The following AHRR variants were observed in gnomAD, a reference collection of about 807,000 sequenced individuals.
AHRR encodes the protein aryl hydrocarbon receptor repressor.
A neutral mutation model predicts 44.0 loss-of-function variants in AHRR; 28 were observed. That is an observed-to-expected ratio of 0.64 (90% CI 0.47 to 0.87). The LOEUF is 0.87. Among genes scored for constraint, AHRR ranks in the 40% least tolerant of loss-of-function variants. The pLI is 0.00. For missense variants in AHRR, 990 were observed against 953.9 expected, an observed-to-expected ratio of 1.04 and a Z score of -0.50; for synonymous variants, 434 against 407.0, an observed-to-expected ratio of 1.07 and a Z score of -0.80.
chr5:323,685 G>A (rs1011909640), intron 1 of AHRR, among the ~76,000 whole-genome samples: 14 of 152,186 alleles, frequency 9.2e-5, no homozygotes, highest in Non-Finnish European at 1.3e-4. Context: ...GAGACGCCGG[G>A]GGAGGGGGAG....
intron 1 of AHRR, among the ~76,000 whole-genome samples, chr5:339,195 G>C (rs1742243758): frequency 6.6e-6 from 1 of 152,184 alleles, no homozygotes; most frequent in East Asian, 1.9e-4. Context: ...TGTCACCGCA[G>C]CCTCAATGTC....
intron 4 of AHRR, among the ~76,000 whole-genome samples, chr5:400,073 C>A (rs948532812): frequency 6.6e-6 from 1 of 152,116 alleles, no homozygotes; most frequent in Non-Finnish European, 1.5e-5. Flanking sequence ...GACTAGCCGC[C>A]GTGTTGTGGC....
At chr5:401,476 G>T (rs754292859) in intron 4 of AHRR, among the ~76,000 whole-genome samples, 1 of 152,208 alleles carries the variant, frequency 6.6e-6, no homozygotes, top group African/African-American at 2.4e-5. Context: ...CTCCATTGGC[G>T]CCAGCCCAGG....
intron 5 of AHRR, among the ~76,000 whole-genome samples, chr5:414,194 T>C (rs1055861107): frequency 4.6e-5 from 7 of 151,178 alleles, no homozygotes; most frequent in African/African-American, 1.2e-4. Context: ...ACCTGGGAGG[T>C]GTAGGTTGCA....
At chr5:343,737 G>A (rs1742451692) in intron 1 of AHRR, 156 bp from the exon 2 acceptor site, 1 of 688,906 alleles carries the variant, frequency 1.5e-6, no homozygotes, top group Middle Eastern at 4.1e-4. Context: ...CAGGGGTCCC[G>A]GGCCAGGGGG....
At chr5:422,316 T>G (rs1034782166) in intron 5 of AHRR, 1 of 275,522 alleles carries the variant, frequency 3.6e-6, no homozygotes, top group South Asian at 3.4e-5. Context: ...TGAAAGTGGG[T>G]GAAGGTTGAG....
rs1270324483 is a variant in AHRR at position 419,676 on chromosome 5, G to A, written c.442-3053G>A. On this transcript the variant is annotated intron_variant, in intron 5 of 10. Transcript: ENST00000684583. This position sits in a 1 kb window ranked among gnomAD's most constrained non-coding sequence, Gnocchi z 4.4. ...AAAGCCGGGGCCCTCCATGGTGCCC[G>A]GCTCTTACTGCACAGGGACCAACAG... 2.6e-5 allele frequency among the ~76,000 whole-genome samples: 4 copies of A among 152,068 alleles called. No homozygotes were observed. Among genetic ancestry groups the A allele is most frequent in the African/African-American group, 9.7e-5 (4 of 41,394 alleles).
At position 360,245 on chromosome 5, in the gene AHRR, G is replaced by C. The variant is rs142650022; in HGVS notation, c.244+6334G>C. 5.3e-5 allele frequency among the ~76,000 whole-genome samples: 8 copies of C among 152,302 alleles called. No homozygotes were observed. The East Asian group carries it at 1.4e-3, about 26-fold the overall frequency. On this transcript the variant is annotated intron_variant, in intron 3 of 10. Transcript: ENST00000684583. ...AAAGAAAGGCTGTGAGAGAACACAGGGGGAAGGCAGCTGTCTGCAGGCTGG... is the reference window on the plus strand; with the variant it reads ...AAAGAAAGGCTGTGAGAGAACACAGCGGGAAGGCAGCTGTCTGCAGGCTGG...
chr5:415,460 C>G (rs369039543), intron 5 of AHRR, among the ~76,000 whole-genome samples: 28 of 103,650 alleles, frequency 2.7e-4, no homozygotes, highest in African/African-American at 1.1e-3. Context: ...GCCTAGGGGC[C>G]GAGTCTGCCT....
At chr5:376,790 A>G (rs193058739) in intron 4 of AHRR, 74 bp downstream of exon 4, 2 of 1,310,132 alleles carry the variant, frequency 1.5e-6, no homozygotes, top group East Asian at 2.5e-5. Flanking sequence ...GCTCAGTCAT[A>G]CTCCGTGTCA....
chr5:414,161 G>C (rs533102072), intron 5 of AHRR, among the ~76,000 whole-genome samples: 1 of 152,174 alleles, frequency 6.6e-6, no homozygotes, highest in Non-Finnish European at 1.5e-5. Context: ...TACTAGGGAG[G>C]CTGAGGCAGG....
chr5:385,595 T>C (rs1483775063), intron 4 of AHRR, among the ~76,000 whole-genome samples: 1 of 152,246 alleles, frequency 6.6e-6, no homozygotes, highest in East Asian at 1.9e-4. Flanking sequence ...GATGAGAAAT[T>C]CACAGTCATT....
intron 8 of AHRR, among the ~76,000 whole-genome samples, chr5:429,117 T>C (rs1308571821): frequency 6.6e-6 from 1 of 152,324 alleles, no homozygotes; most frequent in East Asian, 1.9e-4. Context: ...AAGTCTGCCT[T>C]GCGTGCTGGG....
chr5:346,064 G>T (rs966388663), intron 2 of AHRR, among the ~76,000 whole-genome samples: 6 of 152,164 alleles, frequency 3.9e-5, no homozygotes, highest in African/African-American at 1.4e-4. Context: ...ACCATGCCTG[G>T]GGCCAGGCAC....
chr5:367,915 C>T (rs958509182), intron 3 of AHRR: 19 of 702,436 alleles, frequency 2.7e-5, no homozygotes, highest in Non-Finnish European at 4.2e-5. Context: ...GGCCCTGAGA[C>T]GTACTCAGTT....
In AHRR at chr5:434,888, G is replaced by T. The variant is rs1736937315; in HGVS notation, c.*54G>T. 2.7e-6 allele frequency: 4 copies of T among 1,493,140 alleles called. No homozygotes were observed. The highest frequency in any genetic ancestry group is 1.3e-5 in the South Asian group (1 of 75,214). 92.5% of individuals were successfully genotyped at this position (1,493,140 alleles called of 1,614,324 possible). ...TGTGTGTCTACGCTCAGATGCGTCGGTGGCTGGGCTGCCCTGCTCCTGGTC... is the reference window on the plus strand; with the variant it reads ...TGTGTGTCTACGCTCAGATGCGTCGTTGGCTGGGCTGCCCTGCTCCTGGTC... On this transcript the variant is annotated 3_prime_UTR_variant, in exon 11 of 11. Transcript: ENST00000684583.
chr5:345,182 A>ATGTG (rs370649210), intron 2 of AHRR, among the ~76,000 whole-genome samples: 32 of 864 alleles, frequency 0.037, 10 homozygotes, highest in Admixed American at 0.054. Flanking sequence ...GTGTGTGGGG[A>ATGTG]TGTGTGTGTG....
At chr5:376,835 G>A in intron 4 of AHRR, 119 bp downstream of exon 4, 1 of 868,524 alleles carries the variant, frequency 1.2e-6, no homozygotes, top group Non-Finnish European at 1.8e-6. Context: ...AGGCCCTTAG[G>A]TTGTGAGGTT....
intron 3 of AHRR, among the ~76,000 whole-genome samples, chr5:371,307 AC>A (rs1743573564): frequency 6.6e-6 from 1 of 152,152 alleles, no homozygotes; most frequent in African/African-American, 2.4e-5. Flanking sequence ...TAATCGCAGC[AC>A]CCAGTGCTGC....
Sources: allele counts gnomAD v4.1 joint callset (sites outside exome capture counted in the v4.1 genomes callset), GRCh38; gene constraint gnomAD v4.1.1; non-coding constraint Gnocchi (gnomAD v3.1); transcripts MANE v1.5; gene names NCBI Gene and HGNC (gene_info 2026-07-23, HGNC 2026-07-21).